Variants in MACF1 observed in about 807,000 individuals in gnomAD.
MACF1 encodes microtubule actin crosslinking factor 1.
A neutral mutation model predicts 854.8 loss-of-function variants in MACF1; 193 were observed. The observed-to-expected ratio is 0.23, with a 90% CI of 0.20 to 0.25. MACF1 has a LOEUF of 0.25. Ranked by LOEUF, MACF1 falls within the 10% of genes least tolerant of loss-of-function variation. The pLI, the probability that MACF1 is intolerant of heterozygous loss-of-function variation, is 1.00. For missense variants in MACF1, 7,722 were observed against 8,929.1 expected, an observed-to-expected ratio of 0.86 and a Z score of 5.45; for synonymous variants, 3,185 against 3,226.7, an observed-to-expected ratio of 0.99 and a Z score of 0.44.
In MACF1 at chr1:39,155,296, A is replaced by G. The variant is rs1643661037; in HGVS notation, c.220+70858A>G. Among the ~76,000 whole-genome samples, 9 of 152,366 alleles carry G rather than the reference A, an allele frequency of 5.9e-5. No individual in the cohort carries two copies. In the South Asian group the frequency reaches 1.9e-3, roughly 32 times the overall value. On this transcript the variant is annotated intron_variant, in intron 2 of 93. Transcript: ENST00000361689. ...TTTAATGGTGAAACACACAGAGGAA[A>G]TGACAAACTAGCATGTGTTGTCTTT...
chr1:39,427,073 T>C (rs920832023), intron 61 of MACF1, among the ~76,000 whole-genome samples: 8 of 152,224 alleles, frequency 5.3e-5, no homozygotes, highest in Non-Finnish European at 7.3e-5. Flanking sequence ...TCAGGTGATA[T>C]ATATACTACA....
chr1:39,250,172 A>C (rs1473280241), intron 3 of MACF1, 69 bp downstream of exon 3: 2 of 1,035,450 alleles, frequency 1.9e-6, no homozygotes, highest in Non-Finnish European at 3.0e-6. Flanking sequence ...CATCTCATTG[A>C]GTGCAAGGGC....
rs1432672872 is a variant in MACF1, at chr1:39,379,374, T to C, written c.13448T>C (p.Leu4483Pro). 1 of 1,614,146 alleles carries C rather than the reference T, an allele frequency of 6.2e-7. No individual in the cohort carries two copies. Among genetic ancestry groups the C allele is most frequent in the Middle Eastern group, 1.6e-4 (1 of 6,062 alleles). ...LQWLESKEEV[L>P]KSMDAMSSPT... ...TGGCTGGAATCAAAAGAGGAAGTCC[T>C]GAAATCCATGGATGCCATGTCATCT... Residue 4483 changes from leucine to proline, a missense_variant, in exon 54 of 101, where the codon CTG becomes CCG. Coordinates refer to ENST00000564288, the MANE Select transcript of MACF1 (RefSeq NM_001394062.1).
At chr1:39,274,054 G>A (rs1026491616) in intron 6 of MACF1, among the ~76,000 whole-genome samples, 2 of 152,090 alleles carry the variant, frequency 1.3e-5, no homozygotes, top group Non-Finnish European at 2.9e-5. Flanking sequence ...ATCATAATAG[G>A]GGAAGGGTGA....
At position 39,105,166 on chromosome 1, in the gene MACF1, G is replaced by C. The variant is rs1214221057; in HGVS notation, c.220+20728G>C. On this transcript the variant is annotated intron_variant, in intron 2 of 93. Coordinates refer to the MACF1 transcript ENST00000361689. This position sits in a 1 kb window ranked among gnomAD's most constrained non-coding sequence, Gnocchi z 5.9. ...CTCGCGCCCCTCGGCTCGGGCCCCA[G>C]TCCGGGCCGGGCGGGGGTCGGCAGC... Among the ~76,000 whole-genome samples the C allele has an allele frequency of 6.6e-6, 1 of 151,820 alleles. No individual in the cohort carries two copies. Among genetic ancestry groups the C allele is most frequent in the African/African-American group, 2.4e-5 (1 of 41,398 alleles).
intron 52 of MACF1, among the ~76,000 whole-genome samples, chr1:39,373,926 C>A (rs188394851): frequency 1.3e-5 from 2 of 151,430 alleles, no homozygotes; most frequent in Admixed American, 1.3e-4. Flanking sequence ...TCTTTCACTG[C>A]AAATTAAGTC....
chr1:39,374,370 G>A (rs1649531368), intron 52 of MACF1, among the ~76,000 whole-genome samples: 1 of 152,220 alleles, frequency 6.6e-6, no homozygotes, highest in Non-Finnish European at 1.5e-5. Flanking sequence ...ACGAGTAAAG[G>A]AAAAATTTAT....
chr1:39,383,356 A>C (rs56838828), intron 56 of MACF1, among the ~76,000 whole-genome samples: 283 of 152,162 alleles, frequency 1.9e-3, no homozygotes, highest in African/African-American at 6.1e-3. Flanking sequence ...CTAATCCGGG[A>C]TTTTCAAACT....
rs2148476043 is a variant in MACF1, at chr1:39,336,582, A to G, written c.9994A>G (p.Thr3332Ala). Residue 3332 changes from threonine (T) to alanine (A), a missense_variant, in exon 37 of 101, where the codon ACT (threonine) becomes GCT (alanine). By Grantham distance (58) the Thr-to-Ala change is moderately conservative. Coordinates refer to ENST00000564288, the MANE Select transcript of MACF1 (RefSeq NM_001394062.1). Reference protein sequence around the residue: ...KLRESPGSEQTPFMTAPEGKG... With the variant: ...KLRESPGSEQAPFMTAPEGKG... Reference sequence around the variant, plus strand: ...CAGAGAAAGCCCTGGCAGTGAACAAACTCCCTTCATGACTGCACCTGAAGG... The same window carrying G: ...CAGAGAAAGCCCTGGCAGTGAACAAGCTCCCTTCATGACTGCACCTGAAGG... 6.2e-7 allele frequency: 1 copy of G among 1,613,908 alleles called. No individual in the cohort carries two copies. The highest frequency in any genetic ancestry group is 2.2e-5 in the East Asian group (1 of 44,882).
intron 2 of MACF1, among the ~76,000 whole-genome samples, chr1:39,193,288 T>TG (rs1644278969): frequency 6.6e-6 from 1 of 152,126 alleles, no homozygotes; most frequent in African/African-American, 2.4e-5. Context: ...ATTATTTCAT[T>TG]GGGGAAAAGG....
At chr1:39,278,681 G>A (rs764749410) in intron 6 of MACF1, among the ~76,000 whole-genome samples, 1 of 152,210 alleles carries the variant, frequency 6.6e-6, no homozygotes, top group Non-Finnish European at 1.5e-5. Flanking sequence ...TACAGTGAAG[G>A]CAGTGGGATA....
intron 2 of MACF1, among the ~76,000 whole-genome samples, chr1:39,104,092 T>C (rs1571042692): frequency 6.6e-6 from 1 of 152,150 alleles, no homozygotes. Context: ...TGAATTCTTT[T>C]TTTACTTGCT....
chr1:39,104,233 T>C (rs868490068), intron 2 of MACF1, among the ~76,000 whole-genome samples: 1 of 152,220 alleles, frequency 6.6e-6, no homozygotes, highest in African/African-American at 2.4e-5. Context: ...ACGTGTCACC[T>C]ACATTGACCA....
At chr1:39,245,222 C>T (rs576368263) in intron 2 of MACF1, among the ~76,000 whole-genome samples, 7 of 152,254 alleles carry the variant, frequency 4.6e-5, no homozygotes, top group African/African-American at 1.4e-4. Context: ...CTTTTCAGTA[C>T]TCTGTAGTGT....
At chr1:39,238,177 C>T (rs567656641) in intron 2 of MACF1, among the ~76,000 whole-genome samples, 2 of 152,328 alleles carry the variant, frequency 1.3e-5, no homozygotes, top group East Asian at 3.9e-4. Flanking sequence ...AAATGTGCGT[C>T]TGTCCCTGAC....
In MACF1 at chr1:39,431,262, C is replaced by G. The variant is rs568053541; in HGVS notation, c.17337+354C>G. ...ATCTTAGTTTGACATAATTAACTCT[C>G]TTAGCATTAGATGGAAGAGGGGGAA... On this transcript the variant is annotated intron_variant, in intron 66 of 100. Transcript: ENST00000564288. Among the ~76,000 whole-genome samples, 45 of 152,022 alleles carry G rather than the reference C, an allele frequency of 3.0e-4. 1 individual carries two copies. Among genetic ancestry groups the G allele is most frequent in the African/African-American group, 1.1e-3 (44 of 41,388 alleles).
intron 58 of MACF1, among the ~76,000 whole-genome samples, chr1:39,400,640 T>A (rs1312932251): frequency 1.3e-5 from 2 of 152,094 alleles, no homozygotes; most frequent in African/African-American, 4.8e-5. Flanking sequence ...TACAAGTAGC[T>A]GGGATTACAG....
At chr1:39,170,024 G>A (rs1176449029) in intron 2 of MACF1, among the ~76,000 whole-genome samples, 9 of 149,546 alleles carry the variant, frequency 6.0e-5, no homozygotes, top group South Asian at 4.3e-4. Context: ...CTTGTGATCC[G>A]CCCGCCTCTG....
chr1:39,441,403 CA>C, intron 74 of MACF1, 78 bp downstream of exon 74: 1 of 1,165,634 alleles, frequency 8.6e-7, no homozygotes, highest in Non-Finnish European at 1.3e-6. Context: ...GAATTAAGCA[CA>C]AAAGTGGATC....
Sources: gnomAD v4.1 joint callset for allele counts (sites outside exome capture counted in the v4.1 genomes callset) on GRCh38, gnomAD v4.1.1 for gene constraint, Gnocchi (gnomAD v3.1) non-coding constraint, MANE v1.5 for transcripts, NCBI Gene and HGNC (gene_info 2026-07-23, HGNC 2026-07-21) for gene names.